Variants in TYW1 observed in about 807,000 individuals in gnomAD.
TYW1 encodes the protein tRNA-yW synthesizing protein 1 homolog.
A neutral mutation model predicts 96.2 loss-of-function variants in TYW1; 46 were observed. The observed-to-expected ratio is 0.48, with a 90% confidence interval of 0.38 to 0.61. The LOEUF (loss-of-function observed/expected upper bound fraction) is 0.61. Ranked by LOEUF, TYW1 falls within the 20% of genes least tolerant of loss-of-function variation. The probability of loss-of-function intolerance (pLI) is 0.00; values close to 1 mark genes in which losing one functional copy is unlikely to be tolerated. For synonymous variants in TYW1, 274 were observed against 323.0 expected (o/e 0.85, Z 1.63); for missense variants, 684 against 909.6 (o/e 0.75, Z 3.19).
At chr7:67,095,033 C>G (rs1796849858) in intron 11 of TYW1, among the ~76,000 whole-genome samples, 2 of 151,382 alleles carry the variant, frequency 1.3e-5, no homozygotes, top group Admixed American at 6.6e-5. Context: ...GGGTCTTGTC[C>G]TGTTGCCTAG....
chr7:67,232,100 G>A lies in TYW1; in HGVS notation c.1978-6208G>A, dbSNP rs559332031. 9.3e-3 allele frequency among the ~76,000 whole-genome samples: 1,409 copies of A among 151,138 alleles called. 19 individuals carry two copies. The highest frequency in any genetic ancestry group is 0.032 in the African/African-American group (1,318 of 41,070). ...CAAAAAATTAGCCGGGCGTGGTGGC[G>A]TGTGCCTGTAGTCCCAGCTACCCTG... On this transcript the variant is annotated intron_variant, in intron 15 of 15. Coordinates refer to ENST00000359626, the MANE Select transcript of TYW1 (RefSeq NM_018264.4).
intron 7 of TYW1, among the ~76,000 whole-genome samples, chr7:67,048,010 ACTCCTGAC>A (rs1316156941): frequency 6.7e-6 from 1 of 150,012 alleles, no homozygotes; most frequent in Non-Finnish European, 1.5e-5. Context: ...CTGGTCTCGA[ACTCCTGAC>A]CTCAGGTGAT....
At chr7:67,170,344 T>C (rs2844157) in intron 13 of TYW1, among the ~76,000 whole-genome samples, 42,718 of 152,078 alleles carry the variant, frequency 0.28, 6,520 homozygotes, top group African/African-American at 0.4. Context: ...GCTTTGAGTA[T>C]GTTTTGAAAT....
rs762845522 is a variant in TYW1 at position 67,014,390 on chromosome 7, C to T, written c.399C>T (p.Val133=). The change falls in exon 5 of 16, where the codon GTC becomes GTT. Residue 133 remains valine, a synonymous_variant. Coordinates refer to ENST00000359626, the MANE Select transcript of TYW1 (RefSeq NM_018264.4). ...AGGTGACTAGTAAAAATGTCTGTGT[C>T]TTCCTGGTTGCGACATACACTGACG... ...IEEVTSKNVC[V]FLVATYTDGL... is the part of the protein sequence containing the mutation. 1 of 1,610,622 alleles carries T rather than the reference C, an allele frequency of 6.2e-7. No individual in the cohort carries two copies. Among genetic ancestry groups the T allele is most frequent in the Non-Finnish European group, 8.5e-7 (1 of 1,177,968 alleles).
chr7:67,189,261 C>T (rs1174884623), intron 14 of TYW1, among the ~76,000 whole-genome samples: 2 of 152,042 alleles, frequency 1.3e-5, no homozygotes, highest in African/African-American at 4.8e-5. Flanking sequence ...CCCTCGGCAT[C>T]TTTTCTCCCT....
intron 10 of TYW1, among the ~76,000 whole-genome samples, chr7:67,072,964 T>TTTTTTTG (rs1562997498): frequency 1.1e-5 from 1 of 93,426 alleles, no homozygotes; most frequent in Non-Finnish European, 2.4e-5. Context: ...TTTTTTTTTT[T>TTTTTTTG]ATAGAGACAG....
At chr7:67,184,212 GT>G (rs1799930031) in intron 14 of TYW1, among the ~76,000 whole-genome samples, 1 of 152,104 alleles carries the variant, frequency 6.6e-6, no homozygotes, top group South Asian at 2.1e-4. Context: ...TATGTGTTTT[GT>G]TTTTCCTCTT....
At chr7:67,213,669 A>G (rs1480794378) in intron 15 of TYW1, among the ~76,000 whole-genome samples, 2 of 152,228 alleles carry the variant, frequency 1.3e-5, no homozygotes, top group Non-Finnish European at 2.9e-5. Flanking sequence ...TTTATGGTTA[A>G]GTCTGTGATC....
At chr7:67,227,857 G>A (rs149488332) in intron 15 of TYW1, among the ~76,000 whole-genome samples, 1 of 152,306 alleles carries the variant, frequency 6.6e-6, no homozygotes, top group Admixed American at 6.5e-5. Flanking sequence ...CCTAGACTCG[G>A]TCCCACGTGC....
chr7:67,222,322 G>T (rs1801419015), intron 15 of TYW1, among the ~76,000 whole-genome samples: 1 of 152,028 alleles, frequency 6.6e-6, no homozygotes, highest in Admixed American at 6.6e-5. Flanking sequence ...TCAAATTACT[G>T]TCTAGTGCCC....
intron 7 of TYW1, among the ~76,000 whole-genome samples, chr7:67,045,594 T>C (rs1430728582): frequency 6.6e-6 from 1 of 152,248 alleles, no homozygotes; most frequent in Non-Finnish European, 1.5e-5. Context: ...TTCTGTAAGA[T>C]TCATGTAGTC....
chr7:67,113,558 G>A (rs1313334149), intron 12 of TYW1, among the ~76,000 whole-genome samples: 1 of 152,188 alleles, frequency 6.6e-6, no homozygotes, highest in Non-Finnish European at 1.5e-5. Flanking sequence ...AGAGTTAGGA[G>A]AAAGGCTCTG....
chr7:67,112,505 A>G (rs12535023), intron 12 of TYW1, among the ~76,000 whole-genome samples: 6,064 of 151,976 alleles, frequency 0.04, 175 homozygotes, highest in Middle Eastern at 0.1. Flanking sequence ...AGAACCAGCT[A>G]CTTGGGAGGC....
At chr7:67,153,485 T>C (rs1011709782) in intron 13 of TYW1, among the ~76,000 whole-genome samples, 2 of 152,226 alleles carry the variant, frequency 1.3e-5, no homozygotes, top group Non-Finnish European at 2.9e-5. Context: ...AATAGTCTTA[T>C]GTTTATATAT....
intron 13 of TYW1, among the ~76,000 whole-genome samples, chr7:67,146,156 T>G (rs1798605908): frequency 6.6e-6 from 1 of 152,190 alleles, no homozygotes; most frequent in Non-Finnish European, 1.5e-5. Context: ...GTGCATAACT[T>G]TATCTCCTTT....
At chr7:67,073,744 C>T (rs1228805709) in intron 10 of TYW1, among the ~76,000 whole-genome samples, 2 of 114,916 alleles carry the variant, frequency 1.7e-5, no homozygotes, top group Non-Finnish European at 3.4e-5. Context: ...GCACTCCAGC[C>T]TGGGTGACAG....
intron 15 of TYW1, among the ~76,000 whole-genome samples, chr7:67,205,982 T>G (rs1268253045): frequency 1.3e-5 from 2 of 152,226 alleles, no homozygotes; most frequent in African/African-American, 4.8e-5. Context: ...GCCTTATATG[T>G]AATATCCTCT....
chr7:67,028,163 C>G (rs917150039), intron 7 of TYW1, among the ~76,000 whole-genome samples: 3 of 151,476 alleles, frequency 2.0e-5, no homozygotes, highest in East Asian at 1.9e-4. Flanking sequence ...CTTTTGAACC[C>G]TGGCGGCAGA....
At chr7:67,197,256 C>T (rs1800424573) in intron 15 of TYW1, among the ~76,000 whole-genome samples, 1 of 151,878 alleles carries the variant, frequency 6.6e-6, no homozygotes, top group Non-Finnish European at 1.5e-5. Context: ...TAATATGTGA[C>T]AGACACTGCC....
Sources: gnomAD v4.1 joint callset for allele counts (sites outside exome capture counted in the v4.1 genomes callset) on GRCh38, gnomAD v4.1.1 for gene constraint, MANE v1.5 for transcripts, NCBI Gene and HGNC (gene_info 2026-07-23, HGNC 2026-07-21) for gene names.